The following CHRNB3 variants were observed in gnomAD, a reference collection of about 807,000 sequenced individuals.
The protein encoded by CHRNB3 is cholinergic receptor nicotinic beta 3 subunit.
CHRNB3 carries 37 observed loss-of-function variants against 40.6 expected under a neutral mutation model. The ratio of observed to expected loss-of-function variants is 0.91; its 90% CI spans 0.70 to 1.20. CHRNB3 has a LOEUF of 1.20. Ranked by LOEUF, CHRNB3 falls within the 50% of genes most tolerant of loss-of-function variation. The pLI, the probability that CHRNB3 is intolerant of heterozygous loss-of-function variation, is 0.00. For missense variants in CHRNB3, 505 were observed against 551.2 expected (o/e 0.92, Z 0.84); for synonymous variants, 207 against 207.1 (o/e 1.00, Z 0.00).
intron 2 of CHRNB3, among the ~76,000 whole-genome samples, chr8:42,709,552 T>A (rs1395309572): frequency 1.3e-5 from 2 of 152,160 alleles, no homozygotes; most frequent in Non-Finnish European, 2.9e-5. Flanking sequence ...GCTGGCTCAA[T>A]ACCCCAGGAT....
chr8:42,709,095 G>C (rs751563488), intron 2 of CHRNB3, among the ~76,000 whole-genome samples: 3 of 152,112 alleles, frequency 2.0e-5, no homozygotes, highest in African/African-American at 7.2e-5. Flanking sequence ...GATTCGCTGC[G>C]GGGAGGATGT....
At chr8:42,723,449 G>A (rs1006484482) in intron 3 of CHRNB3, among the ~76,000 whole-genome samples, 2 of 152,106 alleles carry the variant, frequency 1.3e-5, no homozygotes, top group South Asian at 2.1e-4. Context: ...GAGCTGAACC[G>A]TAGAAAGCTT....
chr8:42,714,963 T>G (rs975188719), intron 3 of CHRNB3: 1 of 152,182 alleles, frequency 6.6e-6, no homozygotes. Context: ...AGGCTTTGAT[T>G]CCTCAGTCTC....
Position 42,731,879 on chromosome 8 carries a change from A to G in CHRNB3, c.572A>G (p.Asp191Gly), listed in dbSNP as rs574672480. Residue 191 changes from aspartate (D) to glycine (G), a missense_variant, in exon 5 of 6, where the codon GAC becomes GGC. Physicochemically the swap from Asp to Gly is moderately conservative, Grantham distance 94. Transcript: ENST00000289957. ...CTCATTTTGATCAATGAAAATGTCGACAGAAAAGACTTCTTCGATAACGGA... is the reference window on the plus strand; with the variant it reads ...CTCATTTTGATCAATGAAAATGTCGGCAGAAAAGACTTCTTCGATAACGGA... ...VDLILINENV[D>G]RKDFFDNGEW... The G allele has an allele frequency of 2.5e-6, 4 of 1,614,182 alleles. No homozygotes were observed. In the South Asian group the frequency reaches 4.4e-5, roughly 18 times the overall value.
At chr8:42,697,620 T>C (rs760316074) in intron 1 of CHRNB3, 22 bp downstream of exon 1, 2 of 1,591,976 alleles carry the variant, frequency 1.3e-6, no homozygotes, top group Non-Finnish European at 1.7e-6. Flanking sequence ...TCACAGTAAA[T>C]TAAAACTACA....
chr8:42,717,374 A>AC, intron 3 of CHRNB3, among the ~76,000 whole-genome samples: 1 of 24,536 alleles, frequency 4.1e-5, no homozygotes. Context: ...ACTCCGTCTC[A>AC]AAAAAAAAAA....
chr8:42,702,934 A>C (rs1815839824), intron 1 of CHRNB3, among the ~76,000 whole-genome samples: 1 of 152,224 alleles, frequency 6.6e-6, no homozygotes, highest in African/African-American at 2.4e-5. Flanking sequence ...CCTGGCCGCC[A>C]GAAGACCACG....
At chr8:42,733,696 G>A (rs372616515) in intron 5 of CHRNB3, among the ~76,000 whole-genome samples, 6 of 147,900 alleles carry the variant, frequency 4.1e-5, no homozygotes, top group Non-Finnish European at 5.9e-5. Flanking sequence ...GGGTTCAAGC[G>A]ATTCTGCTGT....
Position 42,732,243 on chromosome 8 carries a change from T to C in CHRNB3, c.936T>C (p.Ile312=). Residue 312 remains isoleucine, a synonymous_variant, in exon 5 of 6, where the codon ATT becomes ATC. Transcript: ENST00000289957. ...FIMIFVTLSI[I]VTVFVINVHH... Reference sequence around the variant, plus strand: ...TGATTTTTGTGACCCTGTCCATCATTGTTACCGTGTTTGTCATTAACGTTC... The same window carrying C: ...TGATTTTTGTGACCCTGTCCATCATCGTTACCGTGTTTGTCATTAACGTTC... The C allele has an allele frequency of 6.2e-7, 1 of 1,612,104 alleles. No homozygotes were observed. The highest frequency in any genetic ancestry group is 1.1e-5 in the South Asian group (1 of 90,616).
chr8:42,697,615 G>A lies in CHRNB3; in HGVS notation c.52+17G>A. The A allele has an allele frequency of 6.2e-7, 1 of 1,604,782 alleles. No individual in the cohort carries two copies. The highest frequency in any genetic ancestry group is 8.5e-7 in the Non-Finnish European group (1 of 1,171,760). On this transcript the variant is annotated intron_variant, in intron 1 of 5. Transcript: ENST00000289957. ...CTTCCTCAGGTAAGCACAAGTCACA[G>A]TAAATTAAAACTACAGTTGCAGAAT...
Position 42,731,235 on chromosome 8 carries a change from A to G in CHRNB3, c.360-432A>G, listed in dbSNP as rs1443285914. On this transcript the variant is annotated intron_variant, in intron 4 of 5. Transcript: ENST00000289957. ...TTAAATAAAAAAATTGTTTATTAAA[A>G]CAGTTACCTGGCGTTGTGGTAGAAA... Among the ~76,000 whole-genome samples, 3 of 152,080 alleles carry G rather than the reference A, an allele frequency of 2.0e-5. No homozygotes were observed. The East Asian group carries it at 5.8e-4, about 29-fold the overall frequency.
At position 42,714,440 on chromosome 8, in the gene CHRNB3, G is replaced by A. The variant is rs141333546; in HGVS notation, c.249+4006G>A. 2.0e-5 allele frequency among the ~76,000 whole-genome samples: 3 copies of A among 151,980 alleles called. No homozygotes were observed. In the South Asian group the frequency reaches 6.2e-4, roughly 31 times the overall value. On this transcript the variant is annotated intron_variant, in intron 3 of 5. Coordinates refer to ENST00000289957, the MANE Select transcript of CHRNB3 (RefSeq NM_000749.5). ...TCGGTTGTACCTGGGAGCCGAGATC[G>A]TGTTACTGCACTCCAGCCTGGACGA...
chr8:42,716,134 C>CAG, intron 3 of CHRNB3, among the ~76,000 whole-genome samples: 1 of 152,018 alleles, frequency 6.6e-6, no homozygotes, highest in African/African-American at 2.4e-5. Flanking sequence ...GGCCACCATG[C>CAG]CCAGCTAATT....
Position 42,734,987 on chromosome 8 carries a change from G to A in CHRNB3, c.1243-1497G>A, listed in dbSNP as rs569491381. On this transcript the variant is annotated intron_variant, in intron 5 of 5. Transcript: ENST00000289957. The stretch of plus-strand genomic sequence containing the variant: ...TGTAATCCCAGCACTTTGGGAGGCC[G>A]AGGCGGGCGGATCACGAGGTCAGGA... Among the ~76,000 whole-genome samples the A allele has an allele frequency of 6.2e-4, 94 of 152,110 alleles. 5 individuals are homozygous for A. The highest frequency in any genetic ancestry group is 3.9e-4 in the Admixed American group (6 of 15,276).
In CHRNB3 at chr8:42,722,099, C is replaced by T. The variant is rs183928743; in HGVS notation, c.250-8495C>T. Among the ~76,000 whole-genome samples, 25 of 152,186 alleles carry T rather than the reference C, an allele frequency of 1.6e-4. 1 individual carries two copies. The South Asian group carries it at 4.6e-3, about 28-fold the overall frequency. On this transcript the variant is annotated intron_variant, in intron 3 of 5. Transcript: ENST00000289957. Reference sequence around the variant, plus strand: ...ACATAAAGATCTCTTGGTGGCCAGGCGTGGTGGCTCACGCCTGTAATCCTA... The same window carrying T: ...ACATAAAGATCTCTTGGTGGCCAGGTGTGGTGGCTCACGCCTGTAATCCTA...
intron 3 of CHRNB3, chr8:42,721,861 G>A (rs1816223173): frequency 6.6e-6 from 1 of 152,208 alleles, no homozygotes; most frequent in African/African-American, 2.4e-5. Flanking sequence ...TTGGTTGCCT[G>A]TTGTCCCTGA....
intron 3 of CHRNB3, among the ~76,000 whole-genome samples, chr8:42,712,856 TCTC>T (rs1243445865): frequency 1.9e-5 from 2 of 106,536 alleles, no homozygotes; most frequent in Admixed American, 1.2e-4. Context: ...CCCCCACTGC[TCTC>T]TTTTTTTTTT....
intron 5 of CHRNB3, among the ~76,000 whole-genome samples, chr8:42,732,863 G>C (rs191503286): frequency 6.6e-6 from 1 of 152,064 alleles, no homozygotes; most frequent in South Asian, 2.1e-4. Flanking sequence ...GGTTAGCCTG[G>C]TTTCTGGTAA....
intron 3 of CHRNB3, among the ~76,000 whole-genome samples, chr8:42,724,340 C>T (rs1468441531): frequency 6.6e-6 from 1 of 152,148 alleles, no homozygotes; most frequent in East Asian, 1.9e-4. Flanking sequence ...AAATGCTTTC[C>T]CCCAAAGTTC....
Sources: allele counts gnomAD v4.1 joint callset (sites outside exome capture counted in the v4.1 genomes callset), GRCh38; gene constraint gnomAD v4.1.1; transcripts MANE v1.5; gene names NCBI Gene and HGNC (gene_info 2026-07-23, HGNC 2026-07-21).